Variants in EYS observed in about 807,000 individuals in gnomAD.
The protein encoded by EYS is protein eyes shut homolog.
EYS carries 250 observed loss-of-function variants against 282.1 expected under a neutral mutation model. The observed-to-expected ratio is 0.89, with a 90% CI of 0.80 to 0.98. The LOEUF (loss-of-function observed/expected upper bound fraction) is 0.98. EYS is among the 50% of genes least tolerant of loss of function. The probability of loss-of-function intolerance (pLI) is 0.00; values close to 1 mark genes in which losing one functional copy is unlikely to be tolerated. For synonymous variants in EYS, 1,355 were observed against 1,282.9 expected (o/e 1.06, Z -1.20); for missense variants, 4,016 against 3,709.0 (o/e 1.08, Z -2.15).
At chr6:64,945,688 A>G in intron 15 of EYS, 105 bp downstream of exon 15, 2 of 1,064,910 alleles carry the variant, frequency 1.9e-6, no homozygotes, top group Non-Finnish European at 2.6e-6. Context: ...CTGGATGGTT[A>G]TTTTAATTAA....
At chr6:63,779,572 A>G (rs1770156079) in intron 39 of EYS, among the ~76,000 whole-genome samples, 1 of 152,144 alleles carries the variant, frequency 6.6e-6, no homozygotes, top group South Asian at 2.1e-4. Context: ...GAAATCCTGA[A>G]ATGTATTGTA....
At chr6:63,950,399 C>T (rs1765543346) in intron 35 of EYS, among the ~76,000 whole-genome samples, 1 of 151,948 alleles carries the variant, frequency 6.6e-6, no homozygotes, top group African/African-American at 2.4e-5. Flanking sequence ...TGACCCCCGC[C>T]CCTGCCTGCC....
At chr6:65,166,957 G>T (rs1039289749) in intron 12 of EYS, among the ~76,000 whole-genome samples, 1 of 151,120 alleles carries the variant, frequency 6.6e-6, no homozygotes, top group Admixed American at 6.6e-5. Flanking sequence ...ACTATCATTA[G>T]CTGTTAGAGA....
chr6:64,435,840 C>T (rs1297951674), intron 28 of EYS, among the ~76,000 whole-genome samples: 1 of 151,794 alleles, frequency 6.6e-6, no homozygotes, highest in Non-Finnish European at 1.5e-5. Flanking sequence ...GGAAGTGCCA[C>T]ATTTTCTACA....
intron 30 of EYS, among the ~76,000 whole-genome samples, chr6:64,273,654 T>C (rs1768013991): frequency 6.6e-6 from 1 of 152,156 alleles, no homozygotes; most frequent in Non-Finnish European, 1.5e-5. Context: ...TAAATACTAA[T>C]AGTCTCACAG....
intron 22 of EYS, among the ~76,000 whole-genome samples, chr6:64,770,470 T>C (rs1489716751): frequency 1.3e-5 from 2 of 151,886 alleles, no homozygotes; most frequent in African/African-American, 4.8e-5. Flanking sequence ...TAAAAACAAT[T>C]CCAAAAGGAT....
At chr6:64,364,022 A>T (rs1772110905) in intron 29 of EYS, among the ~76,000 whole-genome samples, 1 of 151,816 alleles carries the variant, frequency 6.6e-6, no homozygotes, top group Non-Finnish European at 1.5e-5. Context: ...GCCTTTTATG[A>T]CACACATCAT....
intron 12 of EYS, among the ~76,000 whole-genome samples, chr6:65,135,363 G>A (rs1381600849): frequency 2.0e-5 from 3 of 151,884 alleles, no homozygotes; most frequent in South Asian, 2.1e-4. Context: ...AAAAATTAAT[G>A]TCACTGAAAT....
At chr6:64,475,550 C>CAAAAAAAAA in intron 26 of EYS, among the ~76,000 whole-genome samples, 1 of 43,868 alleles carries the variant, frequency 2.3e-5, no homozygotes, top group Non-Finnish European at 4.6e-5. Flanking sequence ...GACTCCGTCT[C>CAAAAAAAAA]AAAAAAAAAA....
rs78312343 is a variant in EYS at position 64,001,609 on chromosome 6, T to C, written c.6726-2426A>G. 7.2e-5 allele frequency among the ~76,000 whole-genome samples: 11 copies of C among 152,212 alleles called. No homozygotes were observed. In the East Asian group the frequency reaches 2.1e-3, roughly 29 times the overall value. On this transcript the variant is annotated intron_variant, in intron 33 of 42. Coordinates refer to ENST00000503581, the MANE Select transcript of EYS (RefSeq NM_001142800.2). ...GGAAGTTCAGGTTATCTAAAACAAA[T>C]GAAAAGGCTGCAAAAAGGTAAAAAA...
At chr6:65,128,593 A>G (rs1243055949) in intron 12 of EYS, among the ~76,000 whole-genome samples, 2 of 152,054 alleles carry the variant, frequency 1.3e-5, no homozygotes, top group Admixed American at 6.6e-5. Context: ...AAAGAATAAA[A>G]TAAGCAGGAA....
chr6:64,299,840 T>C (rs907428972), intron 30 of EYS, among the ~76,000 whole-genome samples: 1 of 152,090 alleles, frequency 6.6e-6, no homozygotes, highest in African/African-American at 2.4e-5. Context: ...CCCAGTATCA[T>C]CTCTAACACT....
At chr6:64,571,733 G>C (rs1482247977) in intron 26 of EYS, among the ~76,000 whole-genome samples, 2 of 152,132 alleles carry the variant, frequency 1.3e-5, no homozygotes, top group African/African-American at 4.8e-5. Flanking sequence ...CCAGGAAGAA[G>C]TCAAATCCCT....
chr6:65,553,571 C>T (rs997907295), intron 2 of EYS, among the ~76,000 whole-genome samples: 2 of 152,030 alleles, frequency 1.3e-5, no homozygotes, highest in Non-Finnish European at 2.9e-5. Context: ...ACCTATGAGA[C>T]TTTTGTTATT....
intron 14 of EYS, among the ~76,000 whole-genome samples, chr6:64,987,114 T>G (rs1770884170): frequency 6.6e-6 from 1 of 151,480 alleles, no homozygotes; most frequent in South Asian, 2.1e-4. Flanking sequence ...TAGTTCTAAA[T>G]TCCCTTCAAC....
intron 37 of EYS, among the ~76,000 whole-genome samples, chr6:63,799,689 A>C (rs1471523745): frequency 6.6e-6 from 1 of 152,220 alleles, no homozygotes; most frequent in Non-Finnish European, 1.5e-5. Context: ...TAATGCTTTG[A>C]TTTATGAAAA....
intron 12 of EYS, among the ~76,000 whole-genome samples, chr6:65,092,255 T>A (rs1774595165): frequency 6.6e-6 from 1 of 152,158 alleles, no homozygotes; most frequent in Admixed American, 6.6e-5. Context: ...CTTAACAAAG[T>A]TGCAAAGATT....
At chr6:64,552,561 G>C (rs1765117533) in intron 26 of EYS, among the ~76,000 whole-genome samples, 1 of 152,120 alleles carries the variant, frequency 6.6e-6, no homozygotes, top group South Asian at 2.1e-4. Flanking sequence ...AACCCAGACA[G>C]TCCCTTCTGT....
chr6:65,429,109 G>T (rs954746273), intron 5 of EYS, among the ~76,000 whole-genome samples: 8 of 152,084 alleles, frequency 5.3e-5, no homozygotes, highest in Non-Finnish European at 1.0e-4. Context: ...GAACCCAGGA[G>T]GCGGGGGTTG....
Sources: allele counts gnomAD v4.1 joint callset (sites outside exome capture counted in the v4.1 genomes callset), GRCh38; gene constraint gnomAD v4.1.1; transcripts MANE v1.5; gene names NCBI Gene and HGNC (gene_info 2026-07-23, HGNC 2026-07-21).